Variants in BCKDHB observed in about 807,000 individuals in gnomAD.
The protein encoded by BCKDHB is 2-oxoisovalerate dehydrogenase subunit beta, mitochondrial.
BCKDHB carries 41 observed loss-of-function variants against 48.5 expected under a neutral mutation model. That is an observed-to-expected ratio of 0.85 (90% CI 0.66 to 1.10). BCKDHB has a LOEUF of 1.10. Ranked by LOEUF, BCKDHB falls within the 50% of genes least tolerant of loss-of-function variation. The pLI is 0.00. For missense variants in BCKDHB, 496 were observed against 494.2 expected, an observed-to-expected ratio of 1.00 and a Z score of -0.03; for synonymous variants, 201 against 174.8, an observed-to-expected ratio of 1.15 and a Z score of -1.18.
the BCKDHB span, among the ~76,000 whole-genome samples, chr6:80,416,692 C>T: frequency 6.6e-6 from 1 of 151,820 alleles, no homozygotes; most frequent in Admixed American, 6.6e-5. Context: ...GAGTATTTTA[C>T]TTCTGATTAT....
the BCKDHB span, among the ~76,000 whole-genome samples, chr6:80,442,385 CTAAAT>C: frequency 6.6e-6 from 1 of 152,124 alleles, no homozygotes; most frequent in African/African-American, 2.4e-5. Context: ...CAACAGTATA[CTAAAT>C]TATCATATCA....
chr6:80,227,783 G>T (rs1251507496), intron 8 of BCKDHB, among the ~76,000 whole-genome samples: 3 of 152,138 alleles, frequency 2.0e-5, no homozygotes, highest in Non-Finnish European at 4.4e-5. Context: ...TTATGTGAGG[G>T]TTTAAAAATT....
the BCKDHB span, among the ~76,000 whole-genome samples, chr6:80,360,073 G>A: frequency 7.9e-5 from 12 of 152,170 alleles, no homozygotes; most frequent in Admixed American, 7.2e-4. Context: ...GGTGATTGGA[G>A]GTGGTTAGGG....
chr6:80,385,800 A>G, the BCKDHB span, among the ~76,000 whole-genome samples: 3 of 152,186 alleles, frequency 2.0e-5, no homozygotes, highest in African/African-American at 7.2e-5. Flanking sequence ...ATTTATATAA[A>G]CAGGAATCTG....
intron 9 of BCKDHB, among the ~76,000 whole-genome samples, chr6:80,338,839 C>T (rs1044263364): frequency 8.5e-5 from 13 of 152,054 alleles, no homozygotes; most frequent in African/African-American, 3.1e-4. Context: ...ACAATAGAGT[C>T]ATAAAACAAT....
intron 8 of BCKDHB, among the ~76,000 whole-genome samples, chr6:80,205,832 GT>G (rs1274365284): frequency 5.9e-5 from 8 of 135,006 alleles, no homozygotes; most frequent in Non-Finnish European, 1.0e-4. Context: ...GTGTGTGTGT[GT>G]GTAGGTGGAT....
the BCKDHB span, among the ~76,000 whole-genome samples, chr6:80,406,188 G>A: frequency 6.6e-6 from 1 of 152,174 alleles, no homozygotes; most frequent in Non-Finnish European, 1.5e-5. Context: ...GTATTCCATG[G>A]TGTATATATG....
intron 8 of BCKDHB, among the ~76,000 whole-genome samples, chr6:80,216,730 T>C (rs1415849226): frequency 2.6e-5 from 4 of 152,214 alleles, no homozygotes. Context: ...GAAATCTAAA[T>C]GTGTTGACTT....
the BCKDHB span, among the ~76,000 whole-genome samples, chr6:80,379,489 C>G: frequency 6.6e-6 from 1 of 152,066 alleles, no homozygotes; most frequent in Non-Finnish European, 1.5e-5. Flanking sequence ...TAGTCAACAT[C>G]ATACTGAATG....
At chr6:80,132,942 G>A (rs1379884797) in intron 3 of BCKDHB, among the ~76,000 whole-genome samples, 1 of 152,108 alleles carries the variant, frequency 6.6e-6, no homozygotes, top group Non-Finnish European at 1.5e-5. Context: ...CTATACAGAA[G>A]CATAACTGTC....
At chr6:80,295,404 C>T (rs1582522234) in intron 9 of BCKDHB, among the ~76,000 whole-genome samples, 4 of 152,002 alleles carry the variant, frequency 2.6e-5, no homozygotes, top group South Asian at 2.1e-4. Context: ...CAGGGGATCT[C>T]CCCTTTATAA....
At chr6:80,180,649 T>TCCAAAAATACGTAAAAAAAA (rs1239356903) in intron 6 of BCKDHB, among the ~76,000 whole-genome samples, 38 of 152,334 alleles carry the variant, frequency 2.5e-4, no homozygotes, top group Admixed American at 1.6e-3. Flanking sequence ...AAATAGGACA[T>TCCAAAAATACGTAAAAAAAA]AATGATATTG....
At chr6:80,187,346 T>C (rs1773689825) in intron 6 of BCKDHB, among the ~76,000 whole-genome samples, 1 of 152,204 alleles carries the variant, frequency 6.6e-6, no homozygotes, top group Non-Finnish European at 1.5e-5. Flanking sequence ...AAAAATCTCC[T>C]ATGATTTATT....
At chr6:80,288,808 C>A (rs190255313) in intron 9 of BCKDHB, among the ~76,000 whole-genome samples, 45 of 151,522 alleles carry the variant, frequency 3.0e-4, no homozygotes, top group African/African-American at 1.1e-3. Context: ...GTGAAAATGC[C>A]CAGCCTTTTC....
rs918172428 is a variant in BCKDHB at position 80,345,993 on chromosome 6, A to T, written c.*2189A>T. On this transcript the variant is annotated 3_prime_UTR_variant, in exon 10 of 10. Transcript: ENST00000320393. ...TTTACAGAAAAGCTGGAAGATTATG[A>T]CTAGATATGGAAATATTTTTTCTGA... The T allele has an allele frequency of 6.6e-6, 1 of 152,230 alleles. No individual in the cohort carries two copies. The highest frequency in any genetic ancestry group is 1.5e-5 in the Non-Finnish European group (1 of 68,038). The allele number at this position is 152,230 out of a possible 1,614,324, so 9.4% of individuals were successfully genotyped here.
At chr6:80,428,920 G>C in the BCKDHB span, among the ~76,000 whole-genome samples, 7 of 152,096 alleles carry the variant, frequency 4.6e-5, no homozygotes, top group African/African-American at 1.7e-4. Flanking sequence ...CATTGGTTTT[G>C]GTGTTTTAGA....
intron 6 of BCKDHB, among the ~76,000 whole-genome samples, chr6:80,197,886 C>T (rs1447907452): frequency 6.6e-6 from 1 of 152,032 alleles, no homozygotes; most frequent in Non-Finnish European, 1.5e-5. Flanking sequence ...ATGTGTGTGC[C>T]TCTCTGTCTA....
the BCKDHB span, among the ~76,000 whole-genome samples, chr6:80,394,579 T>C: frequency 2.0e-5 from 3 of 152,188 alleles, no homozygotes; most frequent in Non-Finnish European, 4.4e-5. Context: ...CCTAGGCCAC[T>C]TAAGACTGAT....
In BCKDHB at chr6:80,321,198, T is replaced by C. The variant is rs370977489; in HGVS notation, c.1039-22466T>C. Among the ~76,000 whole-genome samples the C allele has an allele frequency of 1.5e-4, 23 of 152,298 alleles. No homozygotes were observed. The South Asian group carries it at 3.5e-3, about 23-fold the overall frequency. On this transcript the variant is annotated intron_variant, in intron 9 of 9. Coordinates refer to ENST00000320393, the MANE Select transcript of BCKDHB (RefSeq NM_183050.4). ...CTAGAATGTGTGCTGAGAAGGATGC[T>C]ATAATTAGTGATGTCTGCCTTGGGT...
Sources: gnomAD v4.1 joint callset for allele counts (sites outside exome capture counted in the v4.1 genomes callset) on GRCh38, gnomAD v4.1.1 for gene constraint, MANE v1.5 for transcripts, NCBI Gene and HGNC (gene_info 2026-07-23, HGNC 2026-07-21) for gene names.